FAF1: variants seen among roughly 807,000 people sequenced by gnomAD.
FAF1 encodes Fas associated factor 1.
FAF1 carries 25 observed loss-of-function variants against 92.5 expected under a neutral mutation model. That is an observed-to-expected ratio of 0.27 (90% CI 0.20 to 0.38). The LOEUF is 0.38. Among genes scored for constraint, FAF1 ranks in the 10% least tolerant of loss-of-function variants. The pLI is 1.00. For synonymous variants in FAF1, 234 were observed against 273.2 expected, an observed-to-expected ratio of 0.86 and a Z score of 1.42; for missense variants, 636 against 793.3, an observed-to-expected ratio of 0.80 and a Z score of 2.38.
intron 2 of FAF1, among the ~76,000 whole-genome samples, chr1:50,826,515 A>G (rs1246934455): frequency 2.0e-5 from 3 of 151,842 alleles, no homozygotes; most frequent in Non-Finnish European, 2.9e-5. Context: ...GTGCCACTGC[A>G]CTGGAGCCAC....
At chr1:50,739,278 A>G (rs1019350020) in intron 5 of FAF1, among the ~76,000 whole-genome samples, 3 of 134,956 alleles carry the variant, frequency 2.2e-5, no homozygotes, top group Admixed American at 7.2e-5. Context: ...ACATGTGCAT[A>G]CATATACATA....
At chr1:50,706,250 T>A (rs1657670449) in intron 6 of FAF1, among the ~76,000 whole-genome samples, 1 of 152,196 alleles carries the variant, frequency 6.6e-6, no homozygotes, top group Admixed American at 6.5e-5. Flanking sequence ...ATTCAAAGAC[T>A]CTGGTTCAAT....
intron 15 of FAF1, among the ~76,000 whole-genome samples, chr1:50,516,070 C>A (rs1451168521): frequency 6.6e-6 from 1 of 152,094 alleles, no homozygotes; most frequent in Non-Finnish European, 1.5e-5. Flanking sequence ...TATCAAGTGG[C>A]TACTAACTGA....
At chr1:50,785,281 T>A (rs1332268098) in intron 4 of FAF1, among the ~76,000 whole-genome samples, 1 of 151,632 alleles carries the variant, frequency 6.6e-6, no homozygotes, top group Non-Finnish European at 1.5e-5. Context: ...AATAGACAAG[T>A]GGGACTTTAT....
chr1:50,663,415 ATT>A (rs1188471030), intron 7 of FAF1, among the ~76,000 whole-genome samples: 49 of 135,858 alleles, frequency 3.6e-4, no homozygotes, highest in East Asian at 2.7e-3. Context: ...TTTAATTTCA[ATT>A]TTTTTTTTTT....
intron 9 of FAF1, among the ~76,000 whole-genome samples, chr1:50,588,755 CCT>C (rs1034559466): frequency 2.1e-4 from 32 of 152,310 alleles, no homozygotes; most frequent in South Asian, 4.1e-4. Flanking sequence ...CTCTGCTGTG[CCT>C]CTGTGTCCAG....
intron 4 of FAF1, among the ~76,000 whole-genome samples, chr1:50,762,933 C>T (rs1336522047): frequency 6.6e-6 from 1 of 152,096 alleles, no homozygotes; most frequent in Admixed American, 6.6e-5. Context: ...TTTTCACAAC[C>T]TACTCATCTG....
intron 3 of FAF1, among the ~76,000 whole-genome samples, chr1:50,795,264 G>A (rs1254572453): frequency 6.6e-6 from 1 of 152,168 alleles, no homozygotes; most frequent in Non-Finnish European, 1.5e-5. Context: ...CATCATGGAG[G>A]GGGCAGTGAT....
At chr1:50,490,720 AAG>A in intron 16 of FAF1, 55 bp from the exon 17 acceptor site, 1 of 1,073,638 alleles carries the variant, frequency 9.3e-7, no homozygotes, top group Non-Finnish European at 1.4e-6. Flanking sequence ...TTTACAAAGA[AAG>A]AGAGAAATAA....
chr1:50,667,283 C>T (rs1235486132), intron 7 of FAF1, among the ~76,000 whole-genome samples: 2 of 152,208 alleles, frequency 1.3e-5, no homozygotes, highest in Non-Finnish European at 2.9e-5. Context: ...GTCTCCTTCA[C>T]CCCTTACATT....
intron 14 of FAF1, among the ~76,000 whole-genome samples, chr1:50,537,531 T>A (rs1648549105): frequency 6.6e-6 from 1 of 152,160 alleles, no homozygotes; most frequent in Admixed American, 6.6e-5. Context: ...CTATTAACAT[T>A]TACTGTGTTA....
At chr1:50,787,524 C>T (rs531833639) in intron 4 of FAF1, among the ~76,000 whole-genome samples, 1 of 152,318 alleles carries the variant, frequency 6.6e-6, no homozygotes, top group African/African-American at 2.4e-5. Context: ...GAGCAGCCCT[C>T]ACCAGACATC....
chr1:50,797,176 C>G lies in FAF1; in HGVS notation c.161+4455G>C, dbSNP rs1661785152. 2.0e-5 allele frequency among the ~76,000 whole-genome samples: 3 copies of G among 152,108 alleles called. No homozygotes were observed. In the South Asian group the frequency reaches 6.2e-4, roughly 32 times the overall value. On this transcript the variant is annotated intron_variant, in intron 3 of 18. Transcript: ENST00000396153. Reference sequence around the variant, plus strand: ...AAAAAAATGAGAGGAAGAGAGAGATCTTACCAGTCAATGAAGGATCCCATC... The same window carrying G: ...AAAAAAATGAGAGGAAGAGAGAGATGTTACCAGTCAATGAAGGATCCCATC...
intron 1 of FAF1, among the ~76,000 whole-genome samples, chr1:50,923,038 T>C (rs192162232): frequency 7.2e-5 from 11 of 152,210 alleles, no homozygotes; most frequent in Non-Finnish European, 1.5e-4. Context: ...GATAAATTTC[T>C]AGATACAGAT....
chr1:50,911,247 T>G (rs1353106943), intron 1 of FAF1, among the ~76,000 whole-genome samples: 1 of 151,460 alleles, frequency 6.6e-6, no homozygotes, highest in Non-Finnish European at 1.5e-5. Context: ...AATTTTTCTA[T>G]TTTTAGTAGA....
chr1:50,725,546 C>A (rs1467686893), intron 6 of FAF1, among the ~76,000 whole-genome samples: 1 of 152,162 alleles, frequency 6.6e-6, no homozygotes, highest in East Asian at 1.9e-4. Flanking sequence ...ACCTCTGCCT[C>A]CCAGGTTCAA....
chr1:50,542,494 T>C (rs931181122), intron 13 of FAF1, among the ~76,000 whole-genome samples: 3 of 152,172 alleles, frequency 2.0e-5, no homozygotes, highest in African/African-American at 7.2e-5. Flanking sequence ...CATTTAAAGA[T>C]AAAATGCATG....
intron 2 of FAF1, among the ~76,000 whole-genome samples, chr1:50,847,774 T>G (rs1446038893): frequency 6.6e-6 from 1 of 152,118 alleles, no homozygotes; most frequent in Non-Finnish European, 1.5e-5. Flanking sequence ...AACTGTATAT[T>G]ATATAAATTT....
intron 7 of FAF1, among the ~76,000 whole-genome samples, chr1:50,684,461 C>T (rs1656564335): frequency 6.6e-6 from 1 of 152,098 alleles, no homozygotes; most frequent in South Asian, 2.1e-4. Context: ...AAAGAATGTT[C>T]CTATCACAGT....
Sources: gnomAD v4.1 joint callset for allele counts (sites outside exome capture counted in the v4.1 genomes callset) on GRCh38, gnomAD v4.1.1 for gene constraint, MANE v1.5 for transcripts, NCBI Gene and HGNC (gene_info 2026-07-23, HGNC 2026-07-21) for gene names.